Variants in NIM1K observed in about 807,000 individuals in gnomAD.
NIM1K encodes NIM1 serine/threonine protein kinase.
In NIM1K, 35 loss-of-function variants were observed where a neutral mutation model predicts 37.1. The observed-to-expected ratio is 0.94, with a 90% CI of 0.72 to 1.25. NIM1K has a LOEUF of 1.25. NIM1K is among the 50% of genes most tolerant of loss of function. The probability of loss-of-function intolerance (pLI) is 0.00; values close to 1 mark genes in which losing one functional copy is unlikely to be tolerated. For synonymous variants in NIM1K, 234 were observed against 206.6 expected, an observed-to-expected ratio of 1.13 and a Z score of -1.14; for missense variants, 564 against 548.0, an observed-to-expected ratio of 1.03 and a Z score of -0.29.
intron 2 of NIM1K, 83 bp downstream of exon 2, chr5:43,246,150 A>C: frequency 7.9e-7 from 1 of 1,269,756 alleles, no homozygotes; most frequent in South Asian, 1.5e-5. Flanking sequence ...GGGCCAAGGA[A>C]GCAAGTAAAG....
Position 43,245,564 on chromosome 5 carries a change from A to C in NIM1K, c.-212A>C. Reference sequence around the variant, plus strand: ...GGTGGGAAATGTCTTGAGTGAGGCGAGCAGCTCCTGGCTGGGCTGGGCAGA... The same window carrying C: ...GGTGGGAAATGTCTTGAGTGAGGCGCGCAGCTCCTGGCTGGGCTGGGCAGA... On this transcript the variant is annotated 5_prime_UTR_variant, in exon 2 of 4. Coordinates refer to ENST00000326035, the MANE Select transcript of NIM1K (RefSeq NM_153361.4). The C allele has an allele frequency of 2.1e-6, 1 of 482,510 alleles. No homozygotes were observed. Among genetic ancestry groups the C allele is most frequent in the Non-Finnish European group, 3.6e-6 (1 of 274,560 alleles). The allele number at this position is 482,510 out of a possible 1,614,324, so 29.9% of individuals were successfully genotyped here.
At chr5:43,266,475 CAGTATT>C (rs1283095714) in intron 2 of NIM1K, among the ~76,000 whole-genome samples, 1 of 152,168 alleles carries the variant, frequency 6.6e-6, no homozygotes, top group Non-Finnish European at 1.5e-5. Flanking sequence ...TGGAAGAGCA[CAGTATT>C]AGGGTGGGAG....
chr5:43,280,627 C>T lies in NIM1K; in HGVS notation c.1209C>T (p.Val403=), dbSNP rs182348219. The part of the protein sequence containing the change: ...RVQRKKALES[V]PVMMLPDPKE... ...AAAGGAAGAAGGCTTTGGAAAGTGT[C>T]CCAGTCATGATGCTACCAGACCCTA... Residue 403 remains valine, a synonymous_variant, in exon 4 of 4, where the codon GTC becomes GTT. Coordinates refer to ENST00000326035, the MANE Select transcript of NIM1K (RefSeq NM_153361.4). 243 of 1,614,030 alleles carry T rather than the reference C, an allele frequency of 1.5e-4. 4 individuals carry two copies. In the Middle Eastern group the frequency reaches 4.3e-3, roughly 28 times the overall value.
intron 2 of NIM1K, among the ~76,000 whole-genome samples, chr5:43,254,601 A>G (rs1457317404): frequency 6.6e-6 from 1 of 152,210 alleles, no homozygotes; most frequent in Admixed American, 6.5e-5. Flanking sequence ...TGGTGGAGGA[A>G]GAAATATTCG....
rs369188171 is a variant in NIM1K, at chr5:43,245,737, G to A, written c.-39G>A. Reference sequence around the variant, plus strand: ...AGCCTCTTCTGCTCCTGCACAACCTGCCTCTTCGCTGAGATGGAGACGTGA... The same window carrying A: ...AGCCTCTTCTGCTCCTGCACAACCTACCTCTTCGCTGAGATGGAGACGTGA... On this transcript the variant is annotated 5_prime_UTR_variant, in exon 2 of 4. Coordinates refer to ENST00000326035, the MANE Select transcript of NIM1K (RefSeq NM_153361.4). The A allele has an allele frequency of 3.2e-5, 49 of 1,537,984 alleles. No homozygotes were observed. Among genetic ancestry groups the A allele is most frequent in the Middle Eastern group, 2.3e-4 (1 of 4,270 alleles).
At position 43,253,212 on chromosome 5, in the gene NIM1K, A is replaced by ATAATATAATATATGTGTG. The variant is rs1300038063; in HGVS notation, c.292+7146_292+7147insAATATAATATATGTGTGT. Among the ~76,000 whole-genome samples, 182 of 131,730 alleles carry ATAATATAATATATGTGTG rather than the reference A, an allele frequency of 1.4e-3. 1 individual carries two copies. In the East Asian group the frequency reaches 0.017, roughly 12 times the overall value. 86.4% of individuals were successfully genotyped at this position (131,730 alleles called of 152,430 possible). On this transcript the variant is annotated intron_variant, in intron 2 of 3. Transcript: ENST00000326035. ...TATAATATAATATATAATATAATAT[A>ATAATATAATATATGTGTG]TGTGTGTGTGTGTGTGTGTGTGTGT...
At chr5:43,234,242 T>TTTCATTCATTCA (rs56064948) in intron 1 of NIM1K, among the ~76,000 whole-genome samples, 195 of 151,262 alleles carry the variant, frequency 1.3e-3, no homozygotes, top group African/African-American at 2.2e-3. Context: ...CGTGTCATTC[T>TTTCATTCATTCA]TTCATTCATT....
intron 1 of NIM1K, among the ~76,000 whole-genome samples, chr5:43,227,929 T>C (rs879089189): frequency 1.3e-5 from 2 of 152,104 alleles, no homozygotes; most frequent in Admixed American, 1.3e-4. Context: ...CCAGTAAAGA[T>C]ACTGAACCTA....
At position 43,199,204 on chromosome 5, in the gene NIM1K, A is replaced by AAAAAAAAAATATAT. The variant is rs1200134957; in HGVS notation, c.-695+6794_-695+6795insAAAAAAAATATATA. Among the ~76,000 whole-genome samples the AAAAAAAAAATATAT allele has an allele frequency of 5.0e-4, 47 of 94,036 alleles. 1 individual carries two copies. Among genetic ancestry groups the AAAAAAAAAATATAT allele is most frequent in the Non-Finnish European group, 8.4e-4 (41 of 49,024 alleles). The allele number at this position is 94,036 out of a possible 152,430, so 61.7% of individuals were successfully genotyped here. A position where few individuals can be genotyped will look rare whatever the true frequency, so the allele number is the denominator to read the frequency against. On this transcript the variant is annotated intron_variant, in intron 1 of 3. Transcript: ENST00000326035. ...GCTCTGTCTCCAAAAAAAAAAAAAA[A>AAAAAAAAAATATAT]ATATATATATATATATATATATATA...
At chr5:43,206,560 A>G (rs962222909) in intron 1 of NIM1K, 17 of 500,458 alleles carry the variant, frequency 3.4e-5, no homozygotes, top group African/African-American at 2.9e-4. Context: ...AAGAAAGTAA[A>G]TTAGGAGGGT....
intron 2 of NIM1K, among the ~76,000 whole-genome samples, chr5:43,250,118 C>T (rs1249889309): frequency 1.3e-5 from 2 of 152,058 alleles, no homozygotes; most frequent in African/African-American, 2.4e-5. Flanking sequence ...TCCCAAAGTG[C>T]TGGGATTACA....
rs866314915 is a variant in NIM1K, at chr5:43,253,212, A to G, written c.292+7145A>G. Among the ~76,000 whole-genome samples the G allele has an allele frequency of 2.1e-3, 281 of 131,726 alleles. 1 individual carries two copies. Among genetic ancestry groups the G allele is most frequent in the African/African-American group, 7.7e-3 (266 of 34,676 alleles). 86.4% of individuals were successfully genotyped at this position (131,726 alleles called of 152,430 possible). On this transcript the variant is annotated intron_variant, in intron 2 of 3. Transcript: ENST00000326035. Reference sequence around the variant, plus strand: ...TATAATATAATATATAATATAATATATGTGTGTGTGTGTGTGTGTGTGTGT... The same window carrying G: ...TATAATATAATATATAATATAATATGTGTGTGTGTGTGTGTGTGTGTGTGT...
intron 1 of NIM1K, among the ~76,000 whole-genome samples, chr5:43,196,138 T>C (rs1248210618): frequency 6.6e-6 from 1 of 152,158 alleles, no homozygotes; most frequent in Non-Finnish European, 1.5e-5. Context: ...AACTAGCTGC[T>C]CATTAGATCT....
intron 1 of NIM1K, among the ~76,000 whole-genome samples, chr5:43,220,407 T>C (rs1752364669): frequency 6.6e-6 from 1 of 151,070 alleles, no homozygotes; most frequent in African/African-American, 2.4e-5. Flanking sequence ...TGCCTTAGCA[T>C]CCCGAGTAGC....
chr5:43,213,201 CTT>C (rs1204083405), intron 1 of NIM1K, among the ~76,000 whole-genome samples: 7 of 50,996 alleles, frequency 1.4e-4, no homozygotes, highest in Non-Finnish European at 3.0e-4. Context: ...TTCTTTCTTT[CTT>C]TCTTTCTTTC....
intron 2 of NIM1K, among the ~76,000 whole-genome samples, chr5:43,249,674 T>C (rs1051201600): frequency 2.0e-5 from 3 of 152,028 alleles, no homozygotes; most frequent in Admixed American, 2.0e-4. Flanking sequence ...GAAGGAGCTG[T>C]CTACTGGGCA....
At chr5:43,272,968 C>CT (rs1179503793) in intron 2 of NIM1K, among the ~76,000 whole-genome samples, 1 of 152,186 alleles carries the variant, frequency 6.6e-6, no homozygotes, top group African/African-American at 2.4e-5. Flanking sequence ...CACCCTGGCA[C>CT]TAGGAGTCCT....
chr5:43,265,364 A>G (rs556682555), intron 2 of NIM1K, among the ~76,000 whole-genome samples: 111 of 152,172 alleles, frequency 7.3e-4, no homozygotes, highest in African/African-American at 2.6e-3. Flanking sequence ...CATTTCATTC[A>G]TTTGATCTTC....
intron 1 of NIM1K, chr5:43,232,804 C>T (rs533540348): frequency 9.4e-7 from 1 of 1,066,058 alleles, no homozygotes; most frequent in African/African-American, 1.6e-5. Context: ...AGCCAGTTTA[C>T]AAATTTGGTC....
Sources: allele counts gnomAD v4.1 joint callset (sites outside exome capture counted in the v4.1 genomes callset), GRCh38; gene constraint gnomAD v4.1.1; transcripts MANE v1.5; gene names NCBI Gene and HGNC (gene_info 2026-07-23, HGNC 2026-07-21).